Variants in NDRG2 observed in about 807,000 individuals in gnomAD.
NDRG2 encodes protein NDRG2.
Under a neutral mutation model 58.2 loss-of-function variants are expected in NDRG2, and 34 were observed. The observed-to-expected ratio is 0.58, with a 90% CI of 0.44 to 0.78. The LOEUF (loss-of-function observed/expected upper bound fraction) is 0.78, where lower values mean the gene tolerates loss of function less well. NDRG2 is among the 30% of genes least tolerant of loss of function. NDRG2 has a pLI of 0.00. For synonymous variants in NDRG2, 187 were observed against 175.9 expected (o/e 1.06, Z -0.50); for missense variants, 434 against 471.2 (o/e 0.92, Z 0.73).
Position 21,022,353 on chromosome 14 carries a change from C to T in NDRG2, c.223+39G>A, listed in dbSNP as rs1300663697. 5 of 1,590,108 alleles carry T rather than the reference C, an allele frequency of 3.1e-6. 1 individual carries two copies. The highest frequency in any genetic ancestry group is 1.1e-5 in the South Asian group (1 of 90,404). Reference sequence around the variant, plus strand: ...CATTTCTACCCTTCCCCCACAGCCTCTTCCCAGACAGGAGTGGGAGATGAA... The same window carrying T: ...CATTTCTACCCTTCCCCCACAGCCTTTTCCCAGACAGGAGTGGGAGATGAA... On this transcript the variant is annotated intron_variant, in intron 4 of 15. Coordinates refer to ENST00000556147, the MANE Select transcript of NDRG2 (RefSeq NM_001320329.2).
At chr14:21,029,308 T>A (rs75654357), upstream of NDRG2, 1 of 152,210 alleles carries the variant, frequency 6.6e-6, no homozygotes, top group Non-Finnish European at 1.5e-5. Context: ...TATATTAAAA[T>A]CCTAACTCCC....
chr14:21,062,262 C>T (rs1050755764), intron 1 of NDRG2, among the ~76,000 whole-genome samples: 1 of 152,230 alleles, frequency 6.6e-6, no homozygotes, highest in Non-Finnish European at 1.5e-5. Flanking sequence ...CTGTACTGCA[C>T]AGTGGGCTTT....
Position 21,070,398 on chromosome 14 carries a change from TG to T in NDRG2, c.24+429del. 2 of 1,415,804 alleles carry T rather than the reference TG, an allele frequency of 1.4e-6. No individual in the cohort carries two copies. The highest frequency in any genetic ancestry group is 9.1e-7 in the Non-Finnish European group (1 of 1,093,522). The allele number at this position is 1,415,804 out of a possible 1,614,324, so 87.7% of individuals were successfully genotyped here. The stretch of plus-strand genomic sequence containing the variant: ...TCGGACGCGGCCCGGCGCCGAGCCA[TG>T]GTGAGTCCAGCGTCGCAGCCCCCTG... On this transcript the variant is annotated intron_variant, in intron 1 of 14. Transcript: ENST00000403829. This position sits in a 1 kb window ranked among gnomAD's most constrained non-coding sequence, Gnocchi z 4.7.
At chr14:21,050,470 C>A (rs1885413799) in intron 1 of NDRG2, among the ~76,000 whole-genome samples, 1 of 152,176 alleles carries the variant, frequency 6.6e-6, no homozygotes, top group Admixed American at 6.5e-5. Context: ...AGGGTTACCA[C>A]TTTTTACCCT....
At chr14:21,022,931 C>T (rs1410725730) in intron 2 of NDRG2, 26 bp from the exon 3 acceptor site, 3 of 1,613,736 alleles carry the variant, frequency 1.9e-6, no homozygotes, top group African/African-American at 2.7e-5. Flanking sequence ...CGGATTCACA[C>T]AGAAACACAT....
chr14:21,035,936 C>T, intron 1 of NDRG2: 1 of 428,662 alleles, frequency 2.3e-6, no homozygotes. Context: ...AATCCTGCCT[C>T]TGCAGCTTAC....
rs567016455 is a variant in NDRG2, at chr14:21,019,583, C to A, written c.716+56G>T. On this transcript the variant is annotated intron_variant, in intron 10 of 15. Transcript: ENST00000556147. ...CTCCTCCTCTGTGCCTCCCCCATGA[C>A]GCCCAATTACTGCTTCTGCATTTCT... is the stretch of plus-strand genomic sequence containing the variant. 3.9e-4 allele frequency: 455 copies of A among 1,179,482 alleles called. 1 individual carries two copies. The highest frequency in any genetic ancestry group is 5.2e-4 in the Non-Finnish European group (420 of 801,552). 73.1% of individuals were successfully genotyped at this position (1,179,482 alleles called of 1,614,324 possible).
Position 21,024,998 on chromosome 14 carries a change from C to T in NDRG2, c.-975G>A. The T allele has an allele frequency of 1.0e-6, 1 of 985,914 alleles. No individual in the cohort carries two copies. The highest frequency in any genetic ancestry group is 1.2e-6 in the Non-Finnish European group (1 of 830,370). 61.1% of individuals were successfully genotyped at this position (985,914 alleles called of 1,614,324 possible). On this transcript the variant is annotated 5_prime_UTR_variant, in exon 1 of 16. Coordinates refer to ENST00000556147, the MANE Select transcript of NDRG2 (RefSeq NM_001320329.2). ...CCGGCCCGGCTGGCGCCTTCCAGGC[C>T]CTACGGCCCCTCGCCTGCCCCTCCC...
intron 1 of NDRG2, chr14:21,031,040 C>T: frequency 2.5e-6 from 4 of 1,613,500 alleles, no homozygotes; most frequent in Non-Finnish European, 3.4e-6. Flanking sequence ...CATCACGTTT[C>T]AACAGTTCAA....
chr14:21,038,048 C>T (rs916691575), intron 1 of NDRG2, among the ~76,000 whole-genome samples: 7 of 152,284 alleles, frequency 4.6e-5, no homozygotes, highest in Non-Finnish European at 1.0e-4. Context: ...AAACAATATA[C>T]TGTGTCATGG....
chr14:21,030,724 C>T (rs781364018), upstream of NDRG2: 26 of 1,614,028 alleles, frequency 1.6e-5, no homozygotes, highest in Non-Finnish European at 1.9e-5. Flanking sequence ...GTCACCTCCA[C>T]GGACGTGGAC....
chr14:21,048,839 C>T (rs772379653), intron 1 of NDRG2, among the ~76,000 whole-genome samples: 45 of 152,090 alleles, frequency 3.0e-4, no homozygotes, highest in Non-Finnish European at 5.7e-4. Context: ...CCTCCTCATC[C>T]GCCTCTTGCC....
chr14:21,023,160 G>T, intron 2 of NDRG2, 81 bp downstream of exon 2: 1 of 1,189,634 alleles, frequency 8.4e-7, no homozygotes, highest in Non-Finnish European at 1.2e-6. Context: ...AATAAGATCA[G>T]TACGCTTGGG....
rs765195183 is a variant in NDRG2 at position 21,023,248 on chromosome 14, G to A, written c.68C>T (p.Ala23Val). Residue 23 changes from alanine (A) to valine (V), a missense_variant, in exon 2 of 16, where the codon GCG (alanine) becomes GTG (valine). By Grantham distance (64) the Ala-to-Val change is moderately conservative. Coordinates refer to ENST00000556147, the MANE Select transcript of NDRG2 (RefSeq NM_001320329.2). ...CAAACGGTCTCTAATAACCTTGGCC[G>A]CCTCAGGCGTCTGTCCTGGCAACAG... ...KPLLPGQTPE[A>V]AKEAELAARI... is the part of the protein sequence containing the mutation. The A allele has an allele frequency of 5.6e-6, 9 of 1,613,758 alleles. No homozygotes were observed. Among genetic ancestry groups the A allele is most frequent in the Middle Eastern group, 1.7e-4 (1 of 6,054 alleles).
chr14:21,024,330 A>C lies in NDRG2; in HGVS notation c.-307T>G. On this transcript the variant is annotated 5_prime_UTR_variant, in exon 1 of 16. Coordinates refer to ENST00000556147, the MANE Select transcript of NDRG2 (RefSeq NM_001320329.2). ...TCAGGCTGCGCGGAGGAGAGAAGGA[A>C]GTGCTGATGTGGAGGTAAGAGGGTG... 1 of 983,716 alleles carries C rather than the reference A, an allele frequency of 1.0e-6. No homozygotes were observed. The highest frequency in any genetic ancestry group is 5.2e-4 in the Middle Eastern group (1 of 1,910). The allele number at this position is 983,716 out of a possible 1,614,324, so 60.9% of individuals were successfully genotyped here. A position where few individuals can be genotyped will look rare whatever the true frequency, so the allele number is the denominator to read the frequency against.
chr14:21,018,210 C>G lies in NDRG2; in HGVS notation c.891G>C (p.Leu297=). 6.2e-7 allele frequency: 1 copy of G among 1,613,862 alleles called. No homozygotes were observed. Among genetic ancestry groups the G allele is most frequent in the Non-Finnish European group, 8.5e-7 (1 of 1,180,006 alleles). Residue 297 remains leucine, a synonymous_variant, in exon 14 of 16, where the codon CTG becomes CTC. Coordinates refer to ENST00000556147, the MANE Select transcript of NDRG2 (RefSeq NM_001320329.2). ...KMADSGGQPQ[L]TQPGKLTEAF... is the part of the protein sequence containing the mutation. ...GGACGGCAGCGGCACTCACCTGAGT[C>G]AGCTGGGGCTGACCTCCGGAGTCAG...
At chr14:21,038,343 T>C (rs78245481) in intron 1 of NDRG2, among the ~76,000 whole-genome samples, 1 of 152,358 alleles carries the variant, frequency 6.6e-6, no homozygotes, top group East Asian at 1.9e-4. Context: ...GGTCCTCATC[T>C]TGTGGGAATT....
rs968854107 is a variant in NDRG2 at position 21,020,521 on chromosome 14, C to T, written c.530G>A (p.Gly177Asp). 1 of 1,613,734 alleles carries T rather than the reference C, an allele frequency of 6.2e-7. No individual in the cohort carries two copies. Among genetic ancestry groups the T allele is most frequent in the Non-Finnish European group, 8.5e-7 (1 of 1,179,930 alleles). The part of the protein sequence containing the change: ...VLINIDPNAK[G>D]WMDWAAHKLT... ...CTTGTGGGCTGCCCAATCCATCCAA[C>T]CCTTGGCATTGGGATCAATGTTGAT... Residue 177 changes from glycine to aspartate, a missense_variant, in exon 8 of 16, where the codon GGT (glycine) becomes GAT (aspartate). Physicochemically the swap from Gly to Asp is moderately conservative, Grantham distance 94. Transcript: ENST00000556147.
chr14:21,057,560 C>T (rs1045774935), intron 1 of NDRG2, among the ~76,000 whole-genome samples: 4 of 146,322 alleles, frequency 2.7e-5, no homozygotes, highest in African/African-American at 5.1e-5. Context: ...TTGTATTTGA[C>T]ACGCTCTAGC....
Sources: gnomAD v4.1 joint callset for allele counts (sites outside exome capture counted in the v4.1 genomes callset) on GRCh38, gnomAD v4.1.1 for gene constraint, Gnocchi (gnomAD v3.1) non-coding constraint, MANE v1.5 for transcripts, NCBI Gene and HGNC (gene_info 2026-07-23, HGNC 2026-07-21) for gene names.